The following RBFOX1 variants were observed in gnomAD, a reference collection of about 807,000 sequenced individuals.
The protein encoded by RBFOX1 is RNA binding protein fox-1 homolog 1.
In RBFOX1, 8 loss-of-function variants were observed where a neutral mutation model predicts 57.7. The ratio of observed to expected loss-of-function variants is 0.14; its 90% CI spans 0.08 to 0.25. The LOEUF (loss-of-function observed/expected upper bound fraction) is 0.25, where lower values mean the gene tolerates loss of function less well. Among genes scored for constraint, RBFOX1 ranks in the 10% least tolerant of loss-of-function variants. The pLI is 1.00. For synonymous variants in RBFOX1, 326 were observed against 222.4 expected (o/e 1.47, Z -4.15); for missense variants, 611 against 548.5 (o/e 1.11, Z -1.14).
intron 2 of RBFOX1, among the ~76,000 whole-genome samples, chr16:6,410,288 C>T (rs993228831): frequency 4.8e-5 from 7 of 146,052 alleles, no homozygotes; most frequent in African/African-American, 7.7e-5. Flanking sequence ...CCTGCTGAAA[C>T]GATGACCTAG....
intron 2 of RBFOX1, among the ~76,000 whole-genome samples, chr16:6,357,730 C>G (rs2087630995): frequency 6.6e-6 from 1 of 152,020 alleles, no homozygotes; most frequent in South Asian, 2.1e-4. Flanking sequence ...GGGTGGATCA[C>G]TTGAGGTCAG....
chr16:5,839,809 T>A (rs1046993165), intron 3 of RBFOX1, among the ~76,000 whole-genome samples: 1 of 152,202 alleles, frequency 6.6e-6, no homozygotes, highest in African/African-American at 2.4e-5. Context: ...CTTGAGGCTA[T>A]TTTTAAATGA....
At chr16:6,659,052 C>T (rs909872945) in intron 3 of RBFOX1, among the ~76,000 whole-genome samples, 3 of 151,718 alleles carry the variant, frequency 2.0e-5, no homozygotes, top group African/African-American at 7.3e-5. Flanking sequence ...CTCACAAAAC[C>T]CGATGCGTTT....
At chr16:6,397,632 A>T (rs190165331) in intron 2 of RBFOX1, among the ~76,000 whole-genome samples, 3 of 152,366 alleles carry the variant, frequency 2.0e-5, no homozygotes, top group African/African-American at 7.2e-5. Flanking sequence ...ATATGTGGAT[A>T]ATATAAAAGG....
intron 1 of RBFOX1, among the ~76,000 whole-genome samples, chr16:5,276,175 T>C (rs1292996875): frequency 1.3e-5 from 2 of 152,070 alleles, no homozygotes; most frequent in Admixed American, 6.5e-5. Context: ...AAAACAAAGA[T>C]AAATAGATGG....
chr16:7,047,629 G>C (rs1317336887), intron 3 of RBFOX1, among the ~76,000 whole-genome samples: 1 of 132,610 alleles, frequency 7.5e-6, no homozygotes, highest in Non-Finnish European at 1.6e-5. Context: ...TTTTTTTTTT[G>C]CAGTGAACTC....
chr16:7,191,190 C>G (rs1172718641), intron 4 of RBFOX1, among the ~76,000 whole-genome samples: 3 of 152,162 alleles, frequency 2.0e-5, no homozygotes, highest in Non-Finnish European at 2.9e-5. Flanking sequence ...TTCAACCCCT[C>G]TCATTTTTTA....
chr16:6,214,904 G>C (rs1186700683), intron 1 of RBFOX1, among the ~76,000 whole-genome samples: 8 of 126,298 alleles, frequency 6.3e-5, no homozygotes, highest in African/African-American at 2.4e-4. Flanking sequence ...GGGACCGGGA[G>C]AGAAGGAGAG....
intron 3 of RBFOX1, among the ~76,000 whole-genome samples, chr16:7,020,018 A>G (rs2094126796): frequency 6.8e-6 from 1 of 147,576 alleles, no homozygotes; most frequent in African/African-American, 2.5e-5. Context: ...TGCTACCCTC[A>G]GGAAGGCGTC....
rs1161137049 is a variant in RBFOX1 at position 6,780,318 on chromosome 16, C to CATAT, written c.-16+125669_-16+125672dup. Reference sequence around the variant, plus strand: ...ATATTTATACATATATATATTTATTCATATTTATATATATTTATACATATT... The same window carrying CATAT: ...ATATTTATACATATATATATTTATTCATATATATTTATATATATTTATACATATT... On this transcript the variant is annotated intron_variant, in intron 3 of 15. Transcript: ENST00000550418. Among the ~76,000 whole-genome samples, 23 of 62,180 alleles carry CATAT rather than the reference C, an allele frequency of 3.7e-4. 1 individual carries two copies. Among genetic ancestry groups the CATAT allele is most frequent in the African/African-American group, 1.9e-3 (22 of 11,656 alleles). 40.8% of individuals were successfully genotyped at this position (62,180 alleles called of 152,430 possible). A position where few individuals can be genotyped will look rare whatever the true frequency, so the allele number is the denominator to read the frequency against.
chr16:7,550,375 C>T (rs1203108884), intron 5 of RBFOX1, among the ~76,000 whole-genome samples: 3 of 152,052 alleles, frequency 2.0e-5, no homozygotes, highest in Non-Finnish European at 4.4e-5. Flanking sequence ...GCTATAGAGG[C>T]AGCTGTGACG....
intron 4 of RBFOX1, among the ~76,000 whole-genome samples, chr16:5,888,451 C>T (rs2057954487): frequency 6.6e-6 from 1 of 152,106 alleles, no homozygotes; most frequent in Non-Finnish European, 1.5e-5. Context: ...CAGTGTCCTG[C>T]TGTGTTCCAG....
chr16:7,054,230 GAGC>G (rs1568562309), intron 4 of RBFOX1, among the ~76,000 whole-genome samples: 1 of 55,026 alleles, frequency 1.8e-5, no homozygotes, highest in Non-Finnish European at 3.3e-5. Context: ...GGGGGGCGGG[GAGC>G]TTTTTTTTTT....
At chr16:6,255,957 A>C (rs1306035275) in intron 1 of RBFOX1, among the ~76,000 whole-genome samples, 1 of 151,306 alleles carries the variant, frequency 6.6e-6, no homozygotes, top group Non-Finnish European at 1.5e-5. Flanking sequence ...CTTAAAACCT[A>C]GATGACACGT....
intron 3 of RBFOX1, among the ~76,000 whole-genome samples, chr16:5,820,667 TG>T (rs1185830822): frequency 6.6e-6 from 1 of 152,200 alleles, no homozygotes; most frequent in African/African-American, 2.4e-5. Context: ...ATCATTCCTC[TG>T]AAGTGCGTCA....
intron 3 of RBFOX1, among the ~76,000 whole-genome samples, chr16:5,728,199 C>G (rs940028217): frequency 1.4e-4 from 21 of 152,220 alleles, no homozygotes; most frequent in Non-Finnish European, 2.8e-4. Context: ...GATATACAAA[C>G]AACTTAAGTG....
intron 4 of RBFOX1, among the ~76,000 whole-genome samples, chr16:7,140,074 C>T (rs4444357): frequency 0.68 from 103,502 of 151,246 alleles, 37,354 homozygotes; most frequent in Middle Eastern, 0.81. Context: ...ATGGTAGGCT[C>T]TGTCTAGGTA....
chr16:5,270,802 T>A (rs1036541989), intron 1 of RBFOX1: 23 of 451,256 alleles, frequency 5.1e-5, no homozygotes, highest in African/African-American at 4.7e-4. Flanking sequence ...GATGTCTTCA[T>A]TAGAAAAGTA....
chr16:7,323,570 G>A (rs1320438097), intron 4 of RBFOX1, among the ~76,000 whole-genome samples: 1 of 152,250 alleles, frequency 6.6e-6, no homozygotes, highest in African/African-American at 2.4e-5. Flanking sequence ...AGTTCATGGG[G>A]ATAGCTCTGT....
Sources: allele counts gnomAD v4.1 joint callset (sites outside exome capture counted in the v4.1 genomes callset), GRCh38; gene constraint gnomAD v4.1.1; transcripts MANE v1.5; gene names NCBI Gene and HGNC (gene_info 2026-07-23, HGNC 2026-07-21).